ZDHHC14: variants seen among roughly 807,000 people sequenced by gnomAD.
ZDHHC14 encodes the protein palmitoyltransferase ZDHHC14.
ZDHHC14 carries 16 observed loss-of-function variants against 47.7 expected under a neutral mutation model. The observed-to-expected ratio is 0.34, with a 90% CI of 0.23 to 0.51. The LOEUF (loss-of-function observed/expected upper bound fraction) is 0.51, where lower values mean the gene tolerates loss of function less well. Among genes scored for constraint, ZDHHC14 ranks in the 20% least tolerant of loss-of-function variants. The pLI is 0.97. For synonymous variants in ZDHHC14, 293 were observed against 278.9 expected, an observed-to-expected ratio of 1.05 and a Z score of -0.50; for missense variants, 515 against 662.5, an observed-to-expected ratio of 0.78 and a Z score of 2.44.
At chr6:157,471,956 T>A (rs1473376303) in intron 1 of ZDHHC14, among the ~76,000 whole-genome samples, 1 of 152,186 alleles carries the variant, frequency 6.6e-6, no homozygotes, top group Non-Finnish European at 1.5e-5. Context: ...TCACCATTAC[T>A]TTCTGATTAG....
intron 2 of ZDHHC14, among the ~76,000 whole-genome samples, chr6:157,579,347 G>A (rs1783433422): frequency 6.6e-6 from 1 of 151,788 alleles, no homozygotes; most frequent in Non-Finnish European, 1.5e-5. Context: ...ACAGGTGCCT[G>A]CCACCACGCC....
chr6:157,405,111 ATATT>A (rs2114751101), intron 1 of ZDHHC14, among the ~76,000 whole-genome samples: 1 of 152,296 alleles, frequency 6.6e-6, no homozygotes, highest in South Asian at 2.1e-4. Flanking sequence ...TTAAAAATAT[ATATT>A]CTAAGTAGCT....
At chr6:157,563,999 G>A (rs1782810058) in intron 2 of ZDHHC14, among the ~76,000 whole-genome samples, 1 of 152,222 alleles carries the variant, frequency 6.6e-6, no homozygotes, top group African/African-American at 2.4e-5. Flanking sequence ...GAAAGCAAAA[G>A]CCTACCAGGT....
At chr6:157,433,946 C>A (rs930618171) in intron 1 of ZDHHC14, among the ~76,000 whole-genome samples, 1 of 152,174 alleles carries the variant, frequency 6.6e-6, no homozygotes, top group African/African-American at 2.4e-5. Context: ...CCTCCACACA[C>A]ATACTTTTTT....
chr6:157,500,205 A>G (rs1346203453), intron 1 of ZDHHC14, among the ~76,000 whole-genome samples: 1 of 152,132 alleles, frequency 6.6e-6, no homozygotes, highest in Non-Finnish European at 1.5e-5. Context: ...AGGGAGAGGG[A>G]ACAGCTAGTG....
intron 1 of ZDHHC14, among the ~76,000 whole-genome samples, chr6:157,510,523 C>G (rs1780438402): frequency 6.6e-6 from 1 of 152,190 alleles, no homozygotes. Context: ...CAGTGCTGGA[C>G]AGGTGGGCCA....
intron 8 of ZDHHC14, among the ~76,000 whole-genome samples, chr6:157,661,799 A>C (rs1778353562): frequency 6.6e-6 from 1 of 152,220 alleles, no homozygotes; most frequent in Non-Finnish European, 1.5e-5. Context: ...TTACCAGTTT[A>C]TGACCTAATA....
intron 4 of ZDHHC14, chr6:157,630,535 C>T (rs1785637870): frequency 6.6e-6 from 1 of 152,192 alleles, no homozygotes; most frequent in Middle Eastern, 3.4e-3. Flanking sequence ...CACACATATC[C>T]TTACACACCC....
At chr6:157,592,922 G>A (rs534573862) in intron 2 of ZDHHC14, 66 bp from the exon 3 acceptor site, 2 of 1,527,732 alleles carry the variant, frequency 1.3e-6, no homozygotes, top group East Asian at 4.7e-5. Context: ...ACTCCAGGCG[G>A]ACGGGTCCCG....
intron 2 of ZDHHC14, among the ~76,000 whole-genome samples, chr6:157,570,472 G>A (rs565927143): frequency 1.4e-4 from 21 of 152,286 alleles, no homozygotes; most frequent in Non-Finnish European, 2.8e-4. Flanking sequence ...CTTCACTTAC[G>A]CAGCACAGCG....
intron 2 of ZDHHC14, among the ~76,000 whole-genome samples, chr6:157,568,798 C>G (rs1047735096): frequency 4.6e-5 from 7 of 152,176 alleles, no homozygotes; most frequent in Admixed American, 6.5e-5. Context: ...CAAATATTGT[C>G]AAGTAAAATT....
intron 1 of ZDHHC14, among the ~76,000 whole-genome samples, chr6:157,497,278 G>A (rs185648923): frequency 2.9e-3 from 442 of 152,336 alleles, no homozygotes; most frequent in Non-Finnish European, 4.4e-3. Flanking sequence ...TCAGGGACTG[G>A]AAAAGGTGGA....
chr6:157,408,632 T>C (rs907808454), intron 1 of ZDHHC14, among the ~76,000 whole-genome samples: 2 of 152,214 alleles, frequency 1.3e-5, no homozygotes, highest in African/African-American at 2.4e-5. Context: ...GCAAAGGACA[T>C]GATCTGATTC....
chr6:157,626,743 A>G (rs1414002758), intron 3 of ZDHHC14, among the ~76,000 whole-genome samples: 3 of 152,000 alleles, frequency 2.0e-5, no homozygotes, highest in Non-Finnish European at 4.4e-5. Flanking sequence ...GCTTTGGGCA[A>G]ACGTATGGAT....
chr6:157,497,703 A>T (rs1023364073), intron 1 of ZDHHC14, among the ~76,000 whole-genome samples: 1 of 152,216 alleles, frequency 6.6e-6, no homozygotes, highest in Non-Finnish European at 1.5e-5. Context: ...CATATTGTTC[A>T]TGAATTACAG....
chr6:157,523,205 A>C (rs1346798609), intron 1 of ZDHHC14, among the ~76,000 whole-genome samples: 1 of 151,770 alleles, frequency 6.6e-6, no homozygotes, highest in Non-Finnish European at 1.5e-5. Context: ...TAGTGAAGTT[A>C]ATGGGCACTT....
chr6:157,431,201 G>A lies in ZDHHC14; in HGVS notation c.245+48935G>A, dbSNP rs542516301. ...CTCAGTTGATGTGGGTGCCATCACC[G>A]TCCCTATTTAGAGATGATCAAGGCT... On this transcript the variant is annotated intron_variant, in intron 1 of 8. Coordinates refer to ENST00000359775, the MANE Select transcript of ZDHHC14 (RefSeq NM_024630.3). Among the ~76,000 whole-genome samples the A allele has an allele frequency of 1.1e-4, 17 of 152,286 alleles. No individual in the cohort carries two copies. In the South Asian group the frequency reaches 2.1e-3, roughly 19 times the overall value.
At chr6:157,604,306 A>T (rs1274142194) in intron 3 of ZDHHC14, among the ~76,000 whole-genome samples, 1 of 146,590 alleles carries the variant, frequency 6.8e-6, no homozygotes, top group Admixed American at 7.0e-5. Context: ...AAAAAAAAAA[A>T]GTAATCTAGA....
rs1777203367 is a variant in ZDHHC14, at chr6:157,381,286, C to T, written c.-736C>T. ...GGAGGGAGCAAGGGAGCCCTCGCCG[C>T]GCGGCCCGCGAGCCGCCGCCGCCCT... On this transcript the variant is annotated 5_prime_UTR_variant, in exon 1 of 9. Transcript: ENST00000359775. 1 of 151,306 alleles carries T rather than the reference C, an allele frequency of 6.6e-6. No individual in the cohort carries two copies. The highest frequency in any genetic ancestry group is 1.5e-5 in the Non-Finnish European group (1 of 68,380). 9.4% of individuals were successfully genotyped at this position (151,306 alleles called of 1,614,324 possible).
Sources: gnomAD v4.1 joint callset for allele counts (sites outside exome capture counted in the v4.1 genomes callset) on GRCh38, gnomAD v4.1.1 for gene constraint, MANE v1.5 for transcripts, NCBI Gene and HGNC (gene_info 2026-07-23, HGNC 2026-07-21) for gene names.